LRP1B: variants seen among roughly 807,000 people sequenced by gnomAD.
LRP1B encodes low-density lipoprotein receptor-related protein 1B.
LRP1B carries 217 observed loss-of-function variants against 556.6 expected under a neutral mutation model. That is an observed-to-expected ratio of 0.39 (90% CI 0.35 to 0.44). The LOEUF (loss-of-function observed/expected upper bound fraction) is 0.44. LRP1B is among the 20% of genes least tolerant of loss of function. The probability of loss-of-function intolerance (pLI) is 1.00; values close to 1 mark genes in which losing one functional copy is unlikely to be tolerated. For synonymous variants in LRP1B, 2,047 were observed against 1,865.8 expected, an observed-to-expected ratio of 1.10 and a Z score of -2.50; for missense variants, 5,053 against 5,620.8, an observed-to-expected ratio of 0.90 and a Z score of 3.23.
rs1453536056 is a variant in LRP1B, at chr2:141,927,933, G to GAAAGA, written c.83-117533_83-117532insTCTTT. Among the ~76,000 whole-genome samples, 611 of 126,650 alleles carry GAAAGA rather than the reference G, an allele frequency of 4.8e-3. 3 individuals are homozygous for GAAAGA. Among genetic ancestry groups the GAAAGA allele is most frequent in the African/African-American group, 0.017 (583 of 33,864 alleles). The allele number at this position is 126,650 out of a possible 152,430, so 83.1% of individuals were successfully genotyped here. A position where few individuals can be genotyped will look rare whatever the true frequency, so the allele number is the denominator to read the frequency against. The stretch of plus-strand genomic sequence containing the variant: ...AAAAAAAAAAAAAGAAAGAAAGAAA[G>GAAAGA]AAAAAAAAAAACAAAACACTGCCAT... On this transcript the variant is annotated intron_variant, in intron 1 of 90. Coordinates refer to ENST00000389484, the MANE Select transcript of LRP1B (RefSeq NM_018557.3).
At chr2:141,762,151 G>C (rs973539821) in intron 2 of LRP1B, among the ~76,000 whole-genome samples, 8 of 151,330 alleles carry the variant, frequency 5.3e-5, no homozygotes, top group Non-Finnish European at 1.0e-4. Flanking sequence ...CACTATGAGA[G>C]AAAAAAGTAG....
chr2:141,124,671 A>G (rs1015301340), intron 7 of LRP1B, among the ~76,000 whole-genome samples: 2 of 149,330 alleles, frequency 1.3e-5, no homozygotes, highest in Admixed American at 6.6e-5. Context: ...AATGAAAAAA[A>G]AAAAAAAAAG....
At chr2:140,915,476 G>A (rs978821534) in intron 21 of LRP1B, among the ~76,000 whole-genome samples, 2 of 119,846 alleles carry the variant, frequency 1.7e-5, no homozygotes, top group African/African-American at 3.1e-5. Context: ...TGGTGAAAAC[G>A]CATCTCTACT....
intron 27 of LRP1B, among the ~76,000 whole-genome samples, chr2:140,866,823 G>A (rs1692966799): frequency 6.6e-6 from 1 of 152,096 alleles, no homozygotes. Flanking sequence ...AAGGCTCGAT[G>A]TGTGGAACAA....
intron 3 of LRP1B, among the ~76,000 whole-genome samples, chr2:141,443,943 T>C (rs1404940759): frequency 1.3e-5 from 2 of 151,850 alleles, no homozygotes; most frequent in Non-Finnish European, 2.9e-5. Context: ...AAATTTAAAG[T>C]AGTTTTTTTT....
At chr2:141,646,564 C>T (rs572557317) in intron 2 of LRP1B, among the ~76,000 whole-genome samples, 1 of 152,202 alleles carries the variant, frequency 6.6e-6, no homozygotes, top group South Asian at 2.1e-4. Context: ...CTTTGCTGCT[C>T]ATTGGGTGTA....
At chr2:141,756,142 T>A (rs1171510124) in intron 2 of LRP1B, among the ~76,000 whole-genome samples, 1 of 152,116 alleles carries the variant, frequency 6.6e-6, no homozygotes, top group African/African-American at 2.4e-5. Context: ...CTTACCTTCT[T>A]CTGCATCCCT....
At chr2:141,575,603 G>T (rs999311047) in intron 2 of LRP1B, among the ~76,000 whole-genome samples, 1 of 152,068 alleles carries the variant, frequency 6.6e-6, no homozygotes, top group Non-Finnish European at 1.5e-5. Flanking sequence ...TTACAAATGG[G>T]ATCTAATTAA....
At chr2:141,640,896 G>C (rs1003927558) in intron 2 of LRP1B, among the ~76,000 whole-genome samples, 10 of 152,094 alleles carry the variant, frequency 6.6e-5, no homozygotes, top group African/African-American at 2.4e-4. Context: ...TTTACACAGA[G>C]CAATTGCATC....
chr2:140,662,007 T>A (rs1685114158), intron 41 of LRP1B, among the ~76,000 whole-genome samples: 1 of 152,072 alleles, frequency 6.6e-6, no homozygotes, highest in African/African-American at 2.4e-5. Context: ...AACTCAAATA[T>A]CGTGTTAAAA....
At chr2:141,355,537 C>A (rs970762378) in intron 3 of LRP1B, among the ~76,000 whole-genome samples, 3 of 151,172 alleles carry the variant, frequency 2.0e-5, no homozygotes, top group Admixed American at 6.6e-5. Flanking sequence ...CCCAATGTAA[C>A]AGTCTTATTA....
chr2:140,564,955 T>C (rs1232541061), intron 43 of LRP1B, among the ~76,000 whole-genome samples: 1 of 152,078 alleles, frequency 6.6e-6, no homozygotes. Flanking sequence ...TTTTAAAGTG[T>C]GTCTTTCAAG....
At position 141,295,746 on chromosome 2, in the gene LRP1B, A is replaced by AACACACACACACACACACACACAC. The variant is rs376812743; in HGVS notation, c.344-41129_344-41106dup. 3.6e-3 allele frequency among the ~76,000 whole-genome samples: 470 copies of AACACACACACACACACACACACAC among 130,586 alleles called. 10 individuals carry two copies. Among genetic ancestry groups the AACACACACACACACACACACACAC allele is most frequent in the East Asian group, 9.6e-3 (39 of 4,076 alleles). 85.7% of individuals were successfully genotyped at this position (130,586 alleles called of 152,430 possible). On this transcript the variant is annotated intron_variant, in intron 3 of 90. Coordinates refer to ENST00000389484, the MANE Select transcript of LRP1B (RefSeq NM_018557.3). ...ACTCCAACTTTACTATGAGGAGAGA[A>AACACACACACACACACACACACAC]ACACACACACACACACACACACACA...
rs1559005748 is a variant in LRP1B at position 140,613,352 on chromosome 2, A to ATAATTATATAAATATAAATATAT, written c.6800-11714_6800-11713insATATATTTATATTTATATAATTA. Among the ~76,000 whole-genome samples, 14 of 88,854 alleles carry ATAATTATATAAATATAAATATAT rather than the reference A, an allele frequency of 1.6e-4. 2 individuals carry two copies. The highest frequency in any genetic ancestry group is 2.8e-4 in the Non-Finnish European group (11 of 39,186). The allele number at this position is 88,854 out of a possible 152,430, so 58.3% of individuals were successfully genotyped here. ...ATATAATTATATACATATAAATATA[A>ATAATTATATAAATATAAATATAT]ATAATTATATAAATATAAATATATA... On this transcript the variant is annotated intron_variant, in intron 41 of 90. Transcript: ENST00000389484.
chr2:141,930,666 G>C (rs181446714), intron 1 of LRP1B, among the ~76,000 whole-genome samples: 1 of 152,154 alleles, frequency 6.6e-6, no homozygotes, highest in East Asian at 1.9e-4. Context: ...TTGCTGGTTT[G>C]AGATTTAGAC....
chr2:141,519,109 T>G (rs931192320), intron 2 of LRP1B, among the ~76,000 whole-genome samples: 1 of 152,064 alleles, frequency 6.6e-6, no homozygotes, highest in Non-Finnish European at 1.5e-5. Context: ...AGTGTCTTTG[T>G]CTGCTGTGAG....
intron 7 of LRP1B, among the ~76,000 whole-genome samples, chr2:141,116,197 A>G (rs1452498984): frequency 2.0e-5 from 3 of 152,192 alleles, no homozygotes; most frequent in African/African-American, 7.2e-5. Context: ...CTAGCCTATT[A>G]CAGTGATTTG....
chr2:141,328,226 A>G (rs117720521), intron 3 of LRP1B, among the ~76,000 whole-genome samples: 1 of 152,284 alleles, frequency 6.6e-6, no homozygotes, highest in East Asian at 1.9e-4. Flanking sequence ...GGGTAAGAAC[A>G]CTGGCTCCAT....
At chr2:142,066,273 CCA>C (rs1705104498) in intron 1 of LRP1B, among the ~76,000 whole-genome samples, 1 of 68,648 alleles carries the variant, frequency 1.5e-5, no homozygotes, top group African/African-American at 4.3e-5. Context: ...ATCATTAAGT[CCA>C]GTTTTTTGTT....
Sources: gnomAD v4.1 joint callset for allele counts (sites outside exome capture counted in the v4.1 genomes callset) on GRCh38, gnomAD v4.1.1 for gene constraint, MANE v1.5 for transcripts, NCBI Gene and HGNC (gene_info 2026-07-23, HGNC 2026-07-21) for gene names.